PPP4R3A: variants seen among roughly 807,000 people sequenced by gnomAD.
PPP4R3A encodes the protein serine/threonine-protein phosphatase 4 regulatory subunit 3A.
A neutral mutation model predicts 91.7 loss-of-function variants in PPP4R3A; 15 were observed. The observed-to-expected ratio is 0.16, with a 90% CI of 0.11 to 0.25. PPP4R3A has a LOEUF of 0.25. PPP4R3A is among the 10% of genes least tolerant of loss of function. The probability of loss-of-function intolerance (pLI) is 1.00; values close to 1 mark genes in which losing one functional copy is unlikely to be tolerated. For missense variants in PPP4R3A, 623 were observed against 998.4 expected, an observed-to-expected ratio of 0.62 and a Z score of 5.07; for synonymous variants, 377 against 348.7, an observed-to-expected ratio of 1.08 and a Z score of -0.91.
At chr14:91,468,109 A>C (rs1427582378) in intron 10 of PPP4R3A, among the ~76,000 whole-genome samples, 1 of 152,204 alleles carries the variant, frequency 6.6e-6, no homozygotes, top group Non-Finnish European at 1.5e-5. Context: ...CCCTGGGAAG[A>C]GAGGTACACC....
At chr14:91,504,326 A>T (rs923882461) in intron 1 of PPP4R3A, among the ~76,000 whole-genome samples, 10 of 91,660 alleles carry the variant, frequency 1.1e-4, no homozygotes, top group African/African-American at 3.0e-4. Flanking sequence ...CTTAAAAATT[A>T]AAAAAAAAAA....
Position 91,461,401 on chromosome 14 carries a change from T to C in PPP4R3A, c.2371A>G (p.Thr791Ala). The change falls in exon 14 of 15, where the codon ACG becomes GCG. Residue 791 changes from threonine (T) to alanine (A), a missense_variant. Around this residue, in one of 5 missense-constraint regions of PPP4R3A, gnomAD observed 201 missense variants for 229.9 expected, o/e 0.87. Transcript: ENST00000554943. ...PGSVPKNTSQ[T>A]AAITTKGGLV... is the part of the protein sequence containing the mutation. ...TGTACCTTTGTAGTAATAGCTGCCGTCTGAGATGTATTTTTAGGTACGGAT... is the reference window on the plus strand; with the variant it reads ...TGTACCTTTGTAGTAATAGCTGCCGCCTGAGATGTATTTTTAGGTACGGAT... 6.2e-7 allele frequency: 1 copy of C among 1,610,388 alleles called. No individual in the cohort carries two copies. Among genetic ancestry groups the C allele is most frequent in the Non-Finnish European group, 8.5e-7 (1 of 1,176,842 alleles).
At chr14:91,464,283 C>T (rs12432947) in intron 11 of PPP4R3A, among the ~76,000 whole-genome samples, 74,546 of 151,588 alleles carry the variant, frequency 0.49, 18,662 homozygotes, top group Admixed American at 0.53. Flanking sequence ...ATCATGCCAC[C>T]GCACTTCAGC....
intron 1 of PPP4R3A, among the ~76,000 whole-genome samples, chr14:91,498,820 A>G (rs1277843346): frequency 6.6e-6 from 1 of 150,638 alleles, no homozygotes; most frequent in Non-Finnish European, 1.5e-5. Flanking sequence ...AGGCTGAGGC[A>G]GGAGAATTGC....
intron 1 of PPP4R3A, among the ~76,000 whole-genome samples, chr14:91,507,340 T>C (rs1315368470): frequency 3.4e-5 from 3 of 89,278 alleles, no homozygotes; most frequent in South Asian, 6.8e-4. Context: ...AATCTATACA[T>C]ATTATATATA....
intron 10 of PPP4R3A, among the ~76,000 whole-genome samples, chr14:91,469,848 G>A (rs551385694): frequency 5.9e-5 from 9 of 151,932 alleles, no homozygotes; most frequent in African/African-American, 2.2e-4. Context: ...ATAGACATGA[G>A]CCACTGCACC....
intron 1 of PPP4R3A, among the ~76,000 whole-genome samples, chr14:91,494,825 C>T (rs1374283899): frequency 6.6e-6 from 1 of 152,130 alleles, no homozygotes; most frequent in Non-Finnish European, 1.5e-5. Flanking sequence ...AGGATTGCAC[C>T]ACTGCACCCC....
Position 91,472,635 on chromosome 14 carries a change from T to A in PPP4R3A, c.1501+398A>T, listed in dbSNP as rs141116285. 5.6e-3 allele frequency among the ~76,000 whole-genome samples: 848 copies of A among 152,030 alleles called. 5 individuals are homozygous for A. Among genetic ancestry groups the A allele is most frequent in the African/African-American group, 0.019 (805 of 41,468 alleles). ...ACCTGCCACCACGCCCAGCTAAATTTTTTTTGTATTTTTTTAGTAGAGATG... is the reference window on the plus strand; with the variant it reads ...ACCTGCCACCACGCCCAGCTAAATTATTTTTGTATTTTTTTAGTAGAGATG... On this transcript the variant is annotated intron_variant, in intron 9 of 14. Coordinates refer to ENST00000554943, the MANE Select transcript of PPP4R3A (RefSeq NM_001366432.2).
intron 1 of PPP4R3A, among the ~76,000 whole-genome samples, chr14:91,494,291 T>C (rs951571358): frequency 6.6e-6 from 1 of 152,100 alleles, no homozygotes; most frequent in Non-Finnish European, 1.5e-5. Flanking sequence ...AAGTACAACC[T>C]ATATAAAAGA....
intron 12 of PPP4R3A, 40 bp downstream of exon 12, chr14:91,462,695 T>C: frequency 3.7e-6 from 6 of 1,610,946 alleles, no homozygotes; most frequent in East Asian, 2.2e-5. Flanking sequence ...ACCATACGAC[T>C]TGATGCTGAA....
chr14:91,482,205 A>T lies in PPP4R3A; in HGVS notation c.298-12T>A. 6.4e-7 allele frequency: 1 copy of T among 1,569,216 alleles called. No homozygotes were observed. The highest frequency in any genetic ancestry group is 8.6e-7 in the Non-Finnish European group (1 of 1,162,922). On this transcript the variant is annotated splice_polypyrimidine_tract_variant and intron_variant, in intron 3 of 14. Transcript: ENST00000554943. ...TCCTTTCCTTGAACCTATGAAAAAA[A>T]ATTTAATTGCTGACAAAATAGATAA...
At chr14:91,476,340 G>A in intron 6 of PPP4R3A, 68 bp downstream of exon 6, 3 of 1,088,304 alleles carry the variant, frequency 2.8e-6, no homozygotes, top group Admixed American at 4.2e-5. Context: ...ATATTTGCAT[G>A]TAGCATTAAA....
At chr14:91,462,689 T>C in intron 12 of PPP4R3A, 46 bp downstream of exon 12, 5 of 1,606,866 alleles carry the variant, frequency 3.1e-6, no homozygotes, top group Non-Finnish European at 4.3e-6. Context: ...GCCACTACCA[T>C]ACGACTTGAT....
At chr14:91,497,341 TACACACAC>T (rs10542688) in intron 1 of PPP4R3A, among the ~76,000 whole-genome samples, 24,842 of 148,344 alleles carry the variant, frequency 0.17, 2,556 homozygotes, top group Non-Finnish European at 0.24. Flanking sequence ...ATCTTTTATT[TACACACAC>T]ACACACACAC....
Position 91,458,720 on chromosome 14 carries a change from T to G in PPP4R3A, c.*39A>C. 6.2e-7 allele frequency: 1 copy of G among 1,612,448 alleles called. No homozygotes were observed. Among genetic ancestry groups the G allele is most frequent in the Non-Finnish European group, 8.5e-7 (1 of 1,178,522 alleles). ...GTATGGGGGAGGGGTGGAGAACCAG[T>G]TTTTTTCAACAGGTACTGATCCTAG... On this transcript the variant is annotated 3_prime_UTR_variant, in exon 15 of 15. Transcript: ENST00000554943.
intron 1 of PPP4R3A, among the ~76,000 whole-genome samples, chr14:91,493,821 G>A (rs1890379570): frequency 6.8e-6 from 1 of 147,952 alleles, no homozygotes; most frequent in African/African-American, 2.6e-5. Flanking sequence ...TGCCCAGGCT[G>A]GAATGTAATG....
At chr14:91,476,553 T>G in intron 5 of PPP4R3A, 29 bp from the exon 6 acceptor site, 1 of 1,420,820 alleles carries the variant, frequency 7.0e-7, no homozygotes. Flanking sequence ...ATAAGTGATA[T>G]AAAAAGTTTA....
intron 5 of PPP4R3A, 80 bp from the exon 6 acceptor site, chr14:91,476,604 T>TG (rs1889223195): frequency 9.4e-7 from 1 of 1,059,904 alleles, no homozygotes. Context: ...TTGCTCTTGT[T>TG]GCCGACGCTG....
chr14:91,469,693 C>T (rs542717877), intron 10 of PPP4R3A, among the ~76,000 whole-genome samples: 12 of 152,146 alleles, frequency 7.9e-5, no homozygotes, highest in Admixed American at 4.6e-4. Context: ...CTCAGCCTCC[C>T]GAGTAGTTGG....
Sources: gnomAD v4.1 joint callset for allele counts (sites outside exome capture counted in the v4.1 genomes callset) on GRCh38, gnomAD v4.1.1 for gene constraint, gnomAD v4.1.1 regional missense constraint, MANE v1.5 for transcripts, NCBI Gene and HGNC (gene_info 2026-07-23, HGNC 2026-07-21) for gene names.